The following CALN1 variants were observed in gnomAD, a reference collection of about 807,000 sequenced individuals.
The protein encoded by CALN1 is calneuron 1, also known as calcium-binding protein 8.
Under a neutral mutation model 30.6 loss-of-function variants are expected in CALN1, and 17 were observed. That is an observed-to-expected ratio of 0.56 (90% confidence interval 0.38 to 0.83). The LOEUF is 0.83. Ranked by LOEUF, CALN1 falls within the 40% of genes least tolerant of loss-of-function variation. The probability of loss-of-function intolerance (pLI) is 0.00; values close to 1 mark genes in which losing one functional copy is unlikely to be tolerated. For synonymous variants in CALN1, 156 were observed against 131.4 expected (o/e 1.19, Z -1.28); for missense variants, 291 against 354.9 (o/e 0.82, Z 1.45).
At chr7:72,076,610 G>GAA (rs1563035585) in intron 4 of CALN1, among the ~76,000 whole-genome samples, 1 of 746 alleles carries the variant, frequency 1.3e-3, no homozygotes, top group Non-Finnish European at 3.1e-3. Context: ...AAAAAAAAAA[G>GAA]CAAAAAAAAA....
At chr7:71,995,661 C>T (rs1050851191) in intron 5 of CALN1, among the ~76,000 whole-genome samples, 2 of 152,022 alleles carry the variant, frequency 1.3e-5, no homozygotes, top group African/African-American at 2.4e-5. Flanking sequence ...TATTGGAATA[C>T]CACTAACAGT....
chr7:72,324,409 CG>C (rs1562887287), intron 2 of CALN1, among the ~76,000 whole-genome samples: 1 of 151,948 alleles, frequency 6.6e-6, no homozygotes, highest in African/African-American at 2.4e-5. Context: ...TCATTTATGA[CG>C]GGGTCACTGT....
intron 3 of CALN1, among the ~76,000 whole-genome samples, chr7:72,230,203 A>C (rs36074752): frequency 6.6e-6 from 1 of 152,066 alleles, no homozygotes; most frequent in Non-Finnish European, 1.5e-5. Context: ...GCAGCAAACC[A>C]CCATGGCACA....
Position 71,782,231 on chromosome 7 carries a change from T to A in CALN1, c.*5544A>T, listed in dbSNP as rs1231077638. 6.6e-6 allele frequency: 1 copy of A among 152,296 alleles called. No individual in the cohort carries two copies. The highest frequency in any genetic ancestry group is 2.4e-5 in the African/African-American group (1 of 41,568). The allele number at this position is 152,296 out of a possible 1,614,324, so 9.4% of individuals were successfully genotyped here. A position where few individuals can be genotyped will look rare whatever the true frequency, so the allele number is the denominator to read the frequency against. ...GTCATAGGGACAGATTCCTCATGAATGACTCGGTGCCCTCCCTGTAGTAAT... is the reference window on the plus strand; with the variant it reads ...GTCATAGGGACAGATTCCTCATGAAAGACTCGGTGCCCTCCCTGTAGTAAT... On this transcript the variant is annotated 3_prime_UTR_variant, in exon 7 of 7. Transcript: ENST00000395275.
intron 3 of CALN1, among the ~76,000 whole-genome samples, chr7:72,110,134 C>A (rs1807460512): frequency 6.6e-6 from 1 of 152,188 alleles, no homozygotes; most frequent in Non-Finnish European, 1.5e-5. Flanking sequence ...CAGGGTGGGT[C>A]CCTTCCATTG....
rs1462163976 is a variant in CALN1 at position 72,205,569 on chromosome 7, T to C, written c.244+73117A>G. Among the ~76,000 whole-genome samples the C allele has an allele frequency of 2.4e-3, 262 of 109,426 alleles. 28 individuals are homozygous for C. Among genetic ancestry groups the C allele is most frequent in the East Asian group, 0.015 (43 of 2,802 alleles). The allele number at this position is 109,426 out of a possible 152,430, so 71.8% of individuals were successfully genotyped here. A position where few individuals can be genotyped will look rare whatever the true frequency, so the allele number is the denominator to read the frequency against. Reference sequence around the variant, plus strand: ...AAAAAAAAATATATATATATATATGTATATATATATATATATATTCAGGAG... The same window carrying C: ...AAAAAAAAATATATATATATATATGCATATATATATATATATATTCAGGAG... On this transcript the variant is annotated intron_variant, in intron 3 of 6. Coordinates refer to ENST00000395275, the MANE Select transcript of CALN1 (RefSeq NM_031468.4).
intron 2 of CALN1, among the ~76,000 whole-genome samples, chr7:72,397,873 T>G (rs956401943): frequency 2.0e-5 from 3 of 152,102 alleles, no homozygotes; most frequent in Admixed American, 6.5e-5. Context: ...GCCCTTCCAT[T>G]ATAAGCCAAG....
At chr7:71,971,953 A>AAAAAAAAAAAAG (rs1797839188) in intron 5 of CALN1, among the ~76,000 whole-genome samples, 14 of 72,834 alleles carry the variant, frequency 1.9e-4, no homozygotes, top group South Asian at 7.1e-4. Context: ...AAAAAAAAAA[A>AAAAAAAAAAAAG]AAAGAAAGAA....
chr7:71,963,502 G>A (rs1002612646), intron 5 of CALN1, among the ~76,000 whole-genome samples: 5 of 151,180 alleles, frequency 3.3e-5, no homozygotes, highest in Non-Finnish European at 1.5e-5. Context: ...ACAGGGTTTT[G>A]CCATGTTGGC....
intron 4 of CALN1, among the ~76,000 whole-genome samples, chr7:72,091,100 G>A (rs1028938396): frequency 3.3e-5 from 5 of 152,170 alleles, no homozygotes; most frequent in African/African-American, 1.2e-4. Context: ...GGCAGAGGGT[G>A]GGCGGATCAC....
At chr7:72,184,783 T>C (rs1585114724) in intron 3 of CALN1, among the ~76,000 whole-genome samples, 1 of 149,058 alleles carries the variant, frequency 6.7e-6, no homozygotes, top group South Asian at 2.2e-4. Context: ...CCAAGACATC[T>C]TTTTTTTTTC....
chr7:72,336,793 G>A, intron 2 of CALN1: 2 of 984,982 alleles, frequency 2.0e-6, no homozygotes, highest in Non-Finnish European at 2.4e-6. Context: ...GGGAGGGGGC[G>A]GTGCGGAATG....
At chr7:71,965,192 TA>T (rs926187163) in intron 5 of CALN1, among the ~76,000 whole-genome samples, 2 of 152,058 alleles carry the variant, frequency 1.3e-5, no homozygotes, top group African/African-American at 4.8e-5. Flanking sequence ...CCCACCCAGC[TA>T]AACTTTTTAT....
chr7:72,300,824 C>G (rs1283467736), intron 2 of CALN1, among the ~76,000 whole-genome samples: 1 of 152,070 alleles, frequency 6.6e-6, no homozygotes, highest in Non-Finnish European at 1.5e-5. Flanking sequence ...GAAACCCCGT[C>G]TCTACCAAAA....
intron 2 of CALN1, among the ~76,000 whole-genome samples, chr7:72,290,176 G>A (rs1282857460): frequency 6.9e-6 from 1 of 144,732 alleles, no homozygotes; most frequent in African/African-American, 2.6e-5. Flanking sequence ...TTAAAAGTGG[G>A]CTCTCACAAG....
At position 71,916,851 on chromosome 7, in the gene CALN1, A is replaced by T. The variant is rs979677107; in HGVS notation, c.502-106359T>A. ...AAAATTCTTGCGATGTAAGTAGCAT[A>T]GGTTCTGAACATCCACTGAGTTTCT... is the stretch of plus-strand genomic sequence containing the variant. On this transcript the variant is annotated intron_variant, in intron 5 of 6. Transcript: ENST00000395275. Among the ~76,000 whole-genome samples the T allele has an allele frequency of 6.6e-5, 10 of 152,320 alleles. No homozygotes were observed. In the East Asian group the frequency reaches 1.9e-3, roughly 29 times the overall value.
chr7:71,816,266 T>G (rs1414316956), intron 5 of CALN1, among the ~76,000 whole-genome samples: 1 of 152,076 alleles, frequency 6.6e-6, no homozygotes, highest in Admixed American at 6.6e-5. Flanking sequence ...GAAGGGGAGG[T>G]GTAAAACAAA....
At chr7:72,500,262 G>A in the CALN1 span, among the ~76,000 whole-genome samples, 5 of 88,478 alleles carry the variant, frequency 5.7e-5, no homozygotes, top group Admixed American at 1.3e-4. Context: ...ACTTCTGTTC[G>A]TTCCTTCTTT....
chr7:72,042,820 T>C (rs1161261549), intron 4 of CALN1, among the ~76,000 whole-genome samples: 1 of 152,212 alleles, frequency 6.6e-6, no homozygotes, highest in Admixed American at 6.5e-5. Context: ...TTGGCCTTGA[T>C]GAACCACTCT....
Sources: allele counts gnomAD v4.1 joint callset (sites outside exome capture counted in the v4.1 genomes callset), GRCh38; gene constraint gnomAD v4.1.1; transcripts MANE v1.5; gene names NCBI Gene and HGNC (gene_info 2026-07-23, HGNC 2026-07-21).